The following PCDHA11 variants were observed in gnomAD, a reference collection of about 807,000 sequenced individuals.
The protein encoded by PCDHA11 is protocadherin alpha 11.
Under a neutral mutation model 70.3 loss-of-function variants are expected in PCDHA11, and 61 were observed. The ratio of observed to expected loss-of-function variants is 0.87; its 90% CI spans 0.71 to 1.07. PCDHA11 has a LOEUF of 1.07. Among genes scored for constraint, PCDHA11 ranks in the 50% least tolerant of loss-of-function variants. The probability of loss-of-function intolerance (pLI) is 0.00; values close to 1 mark genes in which losing one functional copy is unlikely to be tolerated. For missense variants in PCDHA11, 1,324 were observed against 1,237.5 expected, an observed-to-expected ratio of 1.07 and a Z score of -1.05; for synonymous variants, 633 against 555.1, an observed-to-expected ratio of 1.14 and a Z score of -1.97.
chr5:140,926,704 T>C (rs1481559865), intron 1 of PCDHA11: 7 of 842,670 alleles, frequency 8.3e-6, no homozygotes, highest in Non-Finnish European at 1.2e-5. Context: ...GGCTCCCAGC[T>C]GGCCAGCCCC....
chr5:140,926,665 G>C, intron 1 of PCDHA11: 1 of 538,906 alleles, frequency 1.9e-6, no homozygotes, highest in Non-Finnish European at 2.9e-6. Context: ...TTTCCCAGAC[G>C]GCTGCCCAGC....
intron 1 of PCDHA11, among the ~76,000 whole-genome samples, chr5:140,949,684 C>T (rs116815984): frequency 0.023 from 3,563 of 151,738 alleles, 50 homozygotes; most frequent in Middle Eastern, 0.051. Context: ...CTTGTTGAAG[C>T]GTATTGTTGG....
Position 140,870,891 on chromosome 5 carries a change from G to A in PCDHA11, c.1788G>A (p.Val596=). ...AGHVVAKVRA[V]DADSGYNAWL... is the part of the protein sequence containing the mutation. ...ACGTGGTGGCGAAGGTGCGCGCAGT[G>A]GATGCGGACTCAGGCTACAACGCGT... The change falls in exon 1 of 4, where the codon GTG becomes GTA. Residue 596 remains valine, a synonymous_variant. Coordinates refer to ENST00000398640, the MANE Select transcript of PCDHA11 (RefSeq NM_018902.5). 2 of 1,613,964 alleles carry A rather than the reference G, an allele frequency of 1.2e-6. No individual in the cohort carries two copies. Among genetic ancestry groups the A allele is most frequent in the Non-Finnish European group, 1.7e-6 (2 of 1,179,902 alleles).
At chr5:140,882,950 C>A in intron 1 of PCDHA11, 1 of 1,614,216 alleles carries the variant, frequency 6.2e-7, no homozygotes, top group Non-Finnish European at 8.5e-7. Context: ...CACAGTTCAG[C>A]TGCTCATCAC....
rs143363926 is a variant in PCDHA11 at position 140,919,499 on chromosome 5, C to T, written c.2391+48005C>T. Among the ~76,000 whole-genome samples the T allele has an allele frequency of 1.8e-4, 27 of 152,124 alleles. No homozygotes were observed. In the East Asian group the frequency reaches 5.2e-3, roughly 29 times the overall value. ...TGGATTTATGTTTGTTATTTTACTCCTTTTTCTATATGTTTTAATTCTCTT... is the reference window on the plus strand; with the variant it reads ...TGGATTTATGTTTGTTATTTTACTCTTTTTTCTATATGTTTTAATTCTCTT... On this transcript the variant is annotated intron_variant, in intron 1 of 3. Coordinates refer to ENST00000398640, the MANE Select transcript of PCDHA11 (RefSeq NM_018902.5).
At chr5:140,885,179 C>T (rs972760379) in intron 1 of PCDHA11, among the ~76,000 whole-genome samples, 37 of 152,232 alleles carry the variant, frequency 2.4e-4, no homozygotes, top group African/African-American at 8.9e-4. Flanking sequence ...CCTCTAGGCA[C>T]ATCAGTGTTC....
At chr5:140,893,434 C>G (rs1554185617) in intron 1 of PCDHA11, among the ~76,000 whole-genome samples, 1 of 152,042 alleles carries the variant, frequency 6.6e-6, no homozygotes, top group African/African-American at 2.4e-5. Context: ...AGGAAGATCG[C>G]TTGAAGCCAG....
At chr5:140,968,845 G>A in intron 1 of PCDHA11, 1 of 1,614,176 alleles carries the variant, frequency 6.2e-7, no homozygotes. Flanking sequence ...ACACTCAGAG[G>A]CATGTTAAGA....
At chr5:141,009,255 G>A (rs2098403504) in intron 3 of PCDHA11, among the ~76,000 whole-genome samples, 1 of 152,162 alleles carries the variant, frequency 6.6e-6, no homozygotes. Context: ...CAGTGTTTGA[G>A]ACCAGCCTGG....
At chr5:140,927,072 C>A in intron 1 of PCDHA11, 2 of 1,610,790 alleles carry the variant, frequency 1.2e-6, no homozygotes, top group Non-Finnish European at 1.7e-6. Flanking sequence ...TCCTTTCCAG[C>A]CACCGCGAGC....
At chr5:140,938,885 A>C (rs966791166) in intron 1 of PCDHA11, among the ~76,000 whole-genome samples, 9 of 152,144 alleles carry the variant, frequency 5.9e-5, no homozygotes, top group Non-Finnish European at 1.2e-4. Flanking sequence ...CAACACACAC[A>C]CACACAGATG....
chr5:140,878,252 C>T (rs1250494755), intron 1 of PCDHA11, among the ~76,000 whole-genome samples: 26 of 152,184 alleles, frequency 1.7e-4, no homozygotes, highest in African/African-American at 3.1e-4. Context: ...CTCTTCCTCA[C>T]GTGCTTAGGC....
Position 140,869,206 on chromosome 5 carries a change from G to T in PCDHA11, c.103G>T (p.Val35Phe), listed in dbSNP as rs192388233. ...GGGGAGCGGCCAGCTCCACTACTCC[G>T]TCTCGGAGGAGGCCAAACACGGCAC... ...EVGSGQLHYS[V>F]SEEAKHGTFV... Residue 35 changes from valine to phenylalanine, a missense_variant, in exon 1 of 4, where the codon GTC becomes TTC. Val to Phe is a conservative substitution (Grantham distance 50). Coordinates refer to ENST00000398640, the MANE Select transcript of PCDHA11 (RefSeq NM_018902.5). 12 of 1,613,854 alleles carry T rather than the reference G, an allele frequency of 7.4e-6. No individual in the cohort carries two copies. The highest frequency in any genetic ancestry group is 1.3e-5 in the African/African-American group (1 of 74,934).
Position 140,874,495 on chromosome 5 carries a change from G to A in PCDHA11, c.2391+3001G>A, listed in dbSNP as rs532074473. 2.0e-5 allele frequency among the ~76,000 whole-genome samples: 3 copies of A among 152,336 alleles called. No homozygotes were observed. The South Asian group carries it at 6.2e-4, about 32-fold the overall frequency. ...AGAAAAAGCAAAAGGTTGATATCAAGTTCACATTCTCTTGACTTTAGTCAA... is the reference window on the plus strand; with the variant it reads ...AGAAAAAGCAAAAGGTTGATATCAAATTCACATTCTCTTGACTTTAGTCAA... On this transcript the variant is annotated intron_variant, in intron 1 of 3. Coordinates refer to ENST00000398640, the MANE Select transcript of PCDHA11 (RefSeq NM_018902.5).
intron 1 of PCDHA11, chr5:140,875,516 T>C: frequency 6.2e-7 from 1 of 1,613,976 alleles, no homozygotes; most frequent in Non-Finnish European, 8.5e-7. Context: ...CAGCGTCTGC[T>C]GCTCTCGCTT....
chr5:140,870,207 T>G lies in PCDHA11; in HGVS notation c.1104T>G (p.Ile368Met). The change falls in exon 1 of 4, where the codon ATT (isoleucine) becomes ATG (methionine). Residue 368 changes from isoleucine (I) to methionine (M), a missense_variant. By Grantham distance (10) the Ile-to-Met change is conservative. Coordinates refer to ENST00000398640, the MANE Select transcript of PCDHA11 (RefSeq NM_018902.5). ...VREDAQPSTV[I>M]ALISVSDRDS... ...AGGACGCTCAGCCCAGCACGGTCAT[T>G]GCCCTGATCAGCGTGTCTGACCGTG... 6.2e-7 allele frequency: 1 copy of G among 1,614,156 alleles called. No homozygotes were observed. Among genetic ancestry groups the G allele is most frequent in the Non-Finnish European group, 8.5e-7 (1 of 1,180,034 alleles).
At chr5:140,882,301 G>T in intron 1 of PCDHA11, 1 of 1,613,800 alleles carries the variant, frequency 6.2e-7, no homozygotes, top group Non-Finnish European at 8.5e-7. Context: ...GCCCAAGACC[G>T]CGGCAACTAC....
intron 1 of PCDHA11, among the ~76,000 whole-genome samples, chr5:140,948,767 T>G (rs1266601836): frequency 6.6e-6 from 1 of 151,640 alleles, no homozygotes; most frequent in Non-Finnish European, 1.5e-5. Context: ...TTTTTTCGAA[T>G]AGCCAGCTTT....
chr5:141,006,750 G>A (rs1233243147), intron 3 of PCDHA11, among the ~76,000 whole-genome samples: 1 of 152,122 alleles, frequency 6.6e-6, no homozygotes, highest in African/African-American at 2.4e-5. Flanking sequence ...TATTATAAAT[G>A]GAGAATGAAG....
Sources: gnomAD v4.1 joint callset for allele counts (sites outside exome capture counted in the v4.1 genomes callset) on GRCh38, gnomAD v4.1.1 for gene constraint, MANE v1.5 for transcripts, NCBI Gene and HGNC (gene_info 2026-07-23, HGNC 2026-07-21) for gene names.